CAPNS1: variants seen among roughly 807,000 people sequenced by gnomAD.
CAPNS1 encodes calpain small subunit 1, also known as CANP small subunit.
A neutral mutation model predicts 39.2 loss-of-function variants in CAPNS1; 32 were observed. The ratio of observed to expected loss-of-function variants is 0.82; its 90% CI spans 0.62 to 1.10. The LOEUF (loss-of-function observed/expected upper bound fraction) is 1.10, where lower values mean the gene tolerates loss of function less well. CAPNS1 is among the 50% of genes least tolerant of loss of function. The pLI is 0.00. For missense variants in CAPNS1, 353 were observed against 373.1 expected (o/e 0.95, Z 0.44); for synonymous variants, 153 against 136.2 (o/e 1.12, Z -0.86).
In CAPNS1 at chr19:36,146,196, G is replaced by C; in HGVS notation, c.605G>C (p.Gly202Ala). 3 of 1,609,738 alleles carry C rather than the reference G, an allele frequency of 1.9e-6. No individual in the cohort carries two copies. The highest frequency in any genetic ancestry group is 1.7e-4 in the Middle Eastern group (1 of 6,056). The change falls in exon 9 of 11, where the codon GGG becomes GCG. Residue 202 changes from glycine (G) to alanine (A), a missense_variant and splice_region_variant. Coordinates refer to ENST00000246533, the MANE Select transcript of CAPNS1 (RefSeq NM_001749.4). ...SELPGAFEAA[G>A]FHLNEHLYNM... ...ACCTGAAGGACTACATCCATCTTAG[G>C]GTTCCACCTGAATGAGCATCTCTAT... is the stretch of plus-strand genomic sequence containing the variant.
At chr19:36,143,225 T>TC in intron 6 of CAPNS1, 97 bp downstream of exon 6, 1 of 1,033,726 alleles carries the variant, frequency 9.7e-7, no homozygotes, top group Non-Finnish European at 1.5e-6. Context: ...TATCCACAGA[T>TC]GTGGAAATGC....
At chr19:36,140,670 T>G in intron 1 of CAPNS1, 3 of 287,828 alleles carry the variant, frequency 1.0e-5, no homozygotes, top group Non-Finnish European at 1.3e-5. Flanking sequence ...GGATCTCACA[T>G]TCTAGCGCCC....
chr19:36,140,982 CT>C lies in CAPNS1; in HGVS notation c.-15-9del, dbSNP rs753773292. 289 of 1,587,814 alleles carry C rather than the reference CT, an allele frequency of 1.8e-4. 1 individual carries two copies. The South Asian group carries it at 2.3e-3, about 13-fold the overall frequency. ...CAGGGGCGAAGCACCCACTGGTCCC[CT>C]TTTTTCCCCCCAGCAGTGAGTCGCA... On this transcript the variant is annotated splice_polypyrimidine_tract_variant and intron_variant, in intron 1 of 10. Transcript: ENST00000246533.
chr19:36,140,760 G>T (rs879520748), intron 1 of CAPNS1: 67 of 457,228 alleles, frequency 1.5e-4, no homozygotes, highest in Non-Finnish European at 2.1e-4. Context: ...TCCCCTTCAC[G>T]CGTGCACCCA....
chr19:36,141,683 G>C (rs1974380971), intron 2 of CAPNS1: 3 of 836,858 alleles, frequency 3.6e-6, no homozygotes, highest in Non-Finnish European at 2.9e-6. Context: ...GACCTAATGG[G>C]GTAGGGTAAA....
intron 4 of CAPNS1, 65 bp from the exon 5 acceptor site, chr19:36,142,844 A>T: frequency 6.3e-7 from 1 of 1,596,650 alleles, no homozygotes; most frequent in African/African-American, 1.3e-5. Context: ...CAGTGTTCCC[A>T]TTCTCCATGA....
intron 2 of CAPNS1, chr19:36,141,749 C>A: frequency 2.7e-6 from 1 of 363,992 alleles, no homozygotes; most frequent in Non-Finnish European, 3.9e-6. Flanking sequence ...GAGAAAAATG[C>A]CCTGGTAGGG....
chr19:36,141,477 C>T, intron 2 of CAPNS1: 1 of 1,260,856 alleles, frequency 7.9e-7, no homozygotes. Flanking sequence ...CAATGTGGTC[C>T]TGAGGGGACT....
At chr19:36,142,413 C>T (rs371931478) in intron 3 of CAPNS1, 80 bp downstream of exon 3, 573 of 738,976 alleles carry the variant, frequency 7.8e-4, no homozygotes, top group Admixed American at 2.1e-3. Flanking sequence ...TAGAGAAGCC[C>T]CACCTTCCTC....
rs768429492 is a variant in CAPNS1 at position 36,146,065 on chromosome 19, C to T, written c.604+11C>T. Reference sequence around the variant, plus strand: ...CCTTTGAGGCAGCAGGTATGGCTGGCAGGGACATGCTGGGGCTGGGAGTGG... The same window carrying T: ...CCTTTGAGGCAGCAGGTATGGCTGGTAGGGACATGCTGGGGCTGGGAGTGG... On this transcript the variant is annotated intron_variant, in intron 8 of 10. Coordinates refer to ENST00000246533, the MANE Select transcript of CAPNS1 (RefSeq NM_001749.4). 5.0e-6 allele frequency: 8 copies of T among 1,613,246 alleles called. No homozygotes were observed. Among genetic ancestry groups the T allele is most frequent in the Non-Finnish European group, 6.8e-6 (8 of 1,179,428 alleles).
At position 36,145,580 on chromosome 19, in the gene CAPNS1, T is replaced by G. The variant is rs551085225; in HGVS notation, c.457-226T>G. On this transcript the variant is annotated intron_variant, in intron 6 of 10. Transcript: ENST00000246533. The stretch of plus-strand genomic sequence containing the variant: ...GTACTTTAGAGTAGTTGAATATAAT[T>G]CCTCATGGTTATGTTTAAAGAGAAT... 1.4e-5 allele frequency: 7 copies of G among 514,120 alleles called. No individual in the cohort carries two copies. The Admixed American group carries it at 2.4e-4, about 18-fold the overall frequency. 31.8% of individuals were successfully genotyped at this position (514,120 alleles called of 1,614,324 possible).
At position 36,150,287 on chromosome 19, in the gene CAPNS1, G is replaced by C. The variant is rs1231236145; in HGVS notation, c.*448G>C. On this transcript the variant is annotated 3_prime_UTR_variant, in exon 11 of 11. Transcript: ENST00000246533. ...CAGACCCAGGTGCCCCAGTGCCTTT[G>C]TCTATATTCTGCTCCCAGCCTGCCA... is the stretch of plus-strand genomic sequence containing the variant. 1.2e-5 allele frequency: 2 copies of C among 168,226 alleles called. No individual in the cohort carries two copies. Among genetic ancestry groups the C allele is most frequent in the Non-Finnish European group, 2.5e-5 (2 of 79,088 alleles). The allele number at this position is 168,226 out of a possible 1,614,324, so 10.4% of individuals were successfully genotyped here.
In CAPNS1 at chr19:36,149,877, T is replaced by C. The variant is rs374131021; in HGVS notation, c.*38T>C. The C allele has an allele frequency of 2.1e-6, 3 of 1,411,112 alleles. No homozygotes were observed. In the African/African-American group the frequency reaches 4.4e-5, roughly 21 times the overall value. The allele number at this position is 1,411,112 out of a possible 1,614,324, so 87.4% of individuals were successfully genotyped here. On this transcript the variant is annotated 3_prime_UTR_variant, in exon 11 of 11. Coordinates refer to ENST00000246533, the MANE Select transcript of CAPNS1 (RefSeq NM_001749.4). ...GACCCGCCCCCTCACTGCCTTGCTA[T>C]AGGAGTCACCTGGAGCCTCGGTCTC...
At chr19:36,147,367 T>C (rs1974605447) in intron 9 of CAPNS1, among the ~76,000 whole-genome samples, 1 of 152,082 alleles carries the variant, frequency 6.6e-6, no homozygotes. Context: ...TCATGCAGGA[T>C]TGTGGGTGCC....
rs1599887691 is a variant in CAPNS1, at chr19:36,149,875, T to C, written c.*36T>C. On this transcript the variant is annotated 3_prime_UTR_variant, in exon 11 of 11. Transcript: ENST00000246533. Reference sequence around the variant, plus strand: ...CAGACCCGCCCCCTCACTGCCTTGCTATAGGAGTCACCTGGAGCCTCGGTC... The same window carrying C: ...CAGACCCGCCCCCTCACTGCCTTGCCATAGGAGTCACCTGGAGCCTCGGTC... 3 of 1,411,730 alleles carry C rather than the reference T, an allele frequency of 2.1e-6. No homozygotes were observed. The highest frequency in any genetic ancestry group is 1.9e-6 in the Non-Finnish European group (2 of 1,075,164). 87.5% of individuals were successfully genotyped at this position (1,411,730 alleles called of 1,614,324 possible). A position where few individuals can be genotyped will look rare whatever the true frequency, so the allele number is the denominator to read the frequency against.
chr19:36,140,958 A>T, intron 1 of CAPNS1, 39 bp from the exon 2 acceptor site: 1 of 1,583,520 alleles, frequency 6.3e-7, no homozygotes, highest in Non-Finnish European at 8.6e-7. Context: ...GTGTGGGCTC[A>T]GGGGCGAAGC....
chr19:36,142,478 C>T, intron 3 of CAPNS1, 145 bp downstream of exon 3: 1 of 691,248 alleles, frequency 1.4e-6, no homozygotes, highest in Non-Finnish European at 2.6e-6. Flanking sequence ...TGCAGCTTCG[C>T]CATGGGTCTT....
At chr19:36,143,841 C>T (rs1489798563) in intron 6 of CAPNS1, among the ~76,000 whole-genome samples, 45 of 146,764 alleles carry the variant, frequency 3.1e-4, no homozygotes, top group African/African-American at 1.1e-3. Context: ...CCAGCCTGGG[C>T]GACAGAGCCA....
chr19:36,141,184 C>G lies in CAPNS1; in HGVS notation c.173C>G (p.Ala58Gly). 2.8e-6 allele frequency: 4 copies of G among 1,446,554 alleles called. No individual in the cohort carries two copies. Among genetic ancestry groups the G allele is most frequent in the Non-Finnish European group, 3.6e-6 (4 of 1,105,324 alleles). The allele number at this position is 1,446,554 out of a possible 1,614,324, so 89.6% of individuals were successfully genotyped here. A position where few individuals can be genotyped will look rare whatever the true frequency, so the allele number is the denominator to read the frequency against. Residue 58 changes from alanine (A) to glycine (G), a missense_variant, in exon 2 of 11, where the codon GCC (alanine) becomes GGC (glycine). By Grantham distance (60) the Ala-to-Gly change is moderately conservative. Transcript: ENST00000246533. ...GGAGGCGGCGGTGGCGGTGGAACGGCCATGCGCATCCTAGGCGGAGTCATC... is the reference window on the plus strand; with the variant it reads ...GGAGGCGGCGGTGGCGGTGGAACGGGCATGCGCATCCTAGGCGGAGTCATC... ...GGGGGGGGGT[A>G]MRILGGVISA...
Sources: gnomAD v4.1 joint callset for allele counts (sites outside exome capture counted in the v4.1 genomes callset) on GRCh38, gnomAD v4.1.1 for gene constraint, MANE v1.5 for transcripts, NCBI Gene and HGNC (gene_info 2026-07-23, HGNC 2026-07-21) for gene names.